ELMO1: variants seen among roughly 807,000 people sequenced by gnomAD.
ELMO1 encodes the protein engulfment and cell motility protein 1.
In ELMO1, 26 loss-of-function variants were observed where a neutral mutation model predicts 98.9. The observed-to-expected ratio is 0.26, with a 90% confidence interval of 0.19 to 0.36. The LOEUF (loss-of-function observed/expected upper bound fraction) is 0.36, where lower values mean the gene tolerates loss of function less well. Among genes scored for constraint, ELMO1 ranks in the 10% least tolerant of loss-of-function variants. The pLI, the probability that ELMO1 is intolerant of heterozygous loss-of-function variation, is 1.00. For synonymous variants in ELMO1, 346 were observed against 346.0 expected, an observed-to-expected ratio of 1.00 and a Z score of 0.00; for missense variants, 627 against 935.2, an observed-to-expected ratio of 0.67 and a Z score of 4.30.
At chr7:37,236,167 G>A (rs1034695228) in intron 7 of ELMO1, among the ~76,000 whole-genome samples, 10 of 152,080 alleles carry the variant, frequency 6.6e-5, no homozygotes, top group Admixed American at 1.3e-4. Flanking sequence ...ACAGTCAATC[G>A]TCCCAAAACT....
intron 15 of ELMO1, among the ~76,000 whole-genome samples, chr7:37,056,707 C>T (rs1490176334): frequency 2.0e-5 from 3 of 152,174 alleles, no homozygotes; most frequent in African/African-American, 7.2e-5. Context: ...ATCCAAACAG[C>T]CTATTTCATC....
At chr7:36,972,933 A>C (rs1298533761) in intron 16 of ELMO1, among the ~76,000 whole-genome samples, 1 of 151,668 alleles carries the variant, frequency 6.6e-6, no homozygotes, top group Non-Finnish European at 1.5e-5. Context: ...GGCGCCCACC[A>C]CCACACCCAG....
chr7:37,298,085 G>C (rs1420035692), intron 4 of ELMO1, among the ~76,000 whole-genome samples: 2 of 151,968 alleles, frequency 1.3e-5, no homozygotes, highest in African/African-American at 2.4e-5. Context: ...TTTTGTATCT[G>C]CTTGCTTCAG....
At chr7:36,858,460 T>C (rs1802371804) in intron 21 of ELMO1, among the ~76,000 whole-genome samples, 1 of 152,186 alleles carries the variant, frequency 6.6e-6, no homozygotes. Context: ...ATGAATTATA[T>C]TGCAGATTGC....
chr7:37,271,674 G>T, intron 5 of ELMO1, 158 bp downstream of exon 5: 1 of 709,644 alleles, frequency 1.4e-6, no homozygotes, highest in African/African-American at 1.8e-5. Context: ...AATCTACGGA[G>T]GGGCATTCCT....
At chr7:37,134,029 G>A (rs1260843360) in intron 13 of ELMO1, among the ~76,000 whole-genome samples, 1 of 152,152 alleles carries the variant, frequency 6.6e-6, no homozygotes, top group Non-Finnish European at 1.5e-5. Flanking sequence ...CTCAACGTCA[G>A]TAATCATCAG....
intron 5 of ELMO1, 27 bp downstream of exon 5, chr7:37,271,805 G>A (rs771152091): frequency 8.1e-6 from 13 of 1,606,964 alleles, no homozygotes; most frequent in Non-Finnish European, 1.0e-5. Context: ...AGAGTTTGCT[G>A]GAAGTCAGAA....
At chr7:37,151,585 A>G (rs1788364198) in intron 13 of ELMO1, among the ~76,000 whole-genome samples, 1 of 152,152 alleles carries the variant, frequency 6.6e-6, no homozygotes, top group Admixed American at 6.5e-5. Flanking sequence ...TAATGTTATC[A>G]TATGATTCAA....
chr7:37,070,294 C>G (rs1008474389), intron 15 of ELMO1, among the ~76,000 whole-genome samples: 1 of 152,154 alleles, frequency 6.6e-6, no homozygotes, highest in African/African-American at 2.4e-5. Context: ...ACAAGCCTTC[C>G]ACATCTTGGG....
chr7:37,419,331 G>C (rs943807706), intron 1 of ELMO1, among the ~76,000 whole-genome samples: 2 of 152,188 alleles, frequency 1.3e-5, no homozygotes, highest in African/African-American at 4.8e-5. Context: ...AGGAGAACAG[G>C]AGGAAGAAGA....
chr7:37,041,472 A>G (rs187099857), intron 15 of ELMO1, among the ~76,000 whole-genome samples: 2 of 152,324 alleles, frequency 1.3e-5, no homozygotes, highest in Admixed American at 1.3e-4. Flanking sequence ...GGAAAGACAC[A>G]CACGTTTATC....
intron 15 of ELMO1, among the ~76,000 whole-genome samples, chr7:37,045,339 CTCTT>C (rs1316744275): frequency 6.6e-6 from 1 of 152,176 alleles, no homozygotes. Flanking sequence ...TCAGTGTGCT[CTCTT>C]TGTGTTTTTC....
At chr7:36,949,478 G>A (rs1787789342) in intron 16 of ELMO1, among the ~76,000 whole-genome samples, 1 of 151,886 alleles carries the variant, frequency 6.6e-6, no homozygotes, top group Non-Finnish European at 1.5e-5. Context: ...CCCTCTCTCG[G>A]TGGCAGACAT....
chr7:37,275,865 C>T (rs1028808147), intron 4 of ELMO1, among the ~76,000 whole-genome samples: 1 of 152,220 alleles, frequency 6.6e-6, no homozygotes, highest in Non-Finnish European at 1.5e-5. Flanking sequence ...GTTTCTGAGA[C>T]TATATTCTAT....
intron 1 of ELMO1, among the ~76,000 whole-genome samples, chr7:37,376,313 T>C (rs922973298): frequency 6.6e-6 from 1 of 152,200 alleles, no homozygotes; most frequent in African/African-American, 2.4e-5. Flanking sequence ...TTCCTGGGCA[T>C]AGACAAAGCT....
chr7:37,316,190 A>C (rs970685083), intron 2 of ELMO1, among the ~76,000 whole-genome samples: 2 of 152,166 alleles, frequency 1.3e-5, no homozygotes, highest in Admixed American at 6.5e-5. Flanking sequence ...TATACTTAGC[A>C]TATTAGTTGA....
chr7:36,983,569 A>C (rs1791249047), intron 16 of ELMO1, among the ~76,000 whole-genome samples: 1 of 152,184 alleles, frequency 6.6e-6, no homozygotes, highest in Non-Finnish European at 1.5e-5. Flanking sequence ...CAAGGTCCTT[A>C]ATATTTTGGC....
At chr7:36,943,298 C>A (rs563663478) in intron 16 of ELMO1, among the ~76,000 whole-genome samples, 1 of 152,156 alleles carries the variant, frequency 6.6e-6, no homozygotes, top group Non-Finnish European at 1.5e-5. Flanking sequence ...TTCTTTTATG[C>A]GTAAAAAATT....
chr7:37,138,781 C>A (rs1331045334), intron 13 of ELMO1, among the ~76,000 whole-genome samples: 5 of 152,118 alleles, frequency 3.3e-5, no homozygotes, highest in Admixed American at 1.3e-4. Context: ...AAAAAGAAAA[C>A]TACAGACCAG....
Sources: allele counts gnomAD v4.1 joint callset (sites outside exome capture counted in the v4.1 genomes callset), GRCh38; gene constraint gnomAD v4.1.1; transcripts MANE v1.5; gene names NCBI Gene and HGNC (gene_info 2026-07-23, HGNC 2026-07-21).